The following CORO1C variants were observed in gnomAD, a reference collection of about 807,000 sequenced individuals.
CORO1C encodes the protein coronin 1C, also known as coronin-1C.
In CORO1C, 14 loss-of-function variants were observed where a neutral mutation model predicts 51.2. The observed-to-expected ratio is 0.27, with a 90% CI of 0.18 to 0.43. CORO1C has a LOEUF of 0.43. Ranked by LOEUF, CORO1C falls within the 20% of genes least tolerant of loss-of-function variation. The pLI, the probability that CORO1C is intolerant of heterozygous loss-of-function variation, is 1.00. For missense variants in CORO1C, 417 were observed against 607.8 expected, an observed-to-expected ratio of 0.69 and a Z score of 3.30; for synonymous variants, 181 against 210.5, an observed-to-expected ratio of 0.86 and a Z score of 1.21.
intron 2 of CORO1C, among the ~76,000 whole-genome samples, chr12:108,694,387 C>T (rs1355596692): frequency 3.3e-5 from 5 of 149,832 alleles, no homozygotes; most frequent in African/African-American, 1.2e-4. Flanking sequence ...TTCTAAAGTA[C>T]TGTGTTAAAT....
At chr12:108,694,199 T>C (rs986786471) in intron 2 of CORO1C, among the ~76,000 whole-genome samples, 2 of 149,098 alleles carry the variant, frequency 1.3e-5, no homozygotes, top group African/African-American at 2.5e-5. Flanking sequence ...GGAGAAGTGC[T>C]TGAACCTGGG....
At chr12:108,654,650 G>A (rs1349382596) in intron 6 of CORO1C, among the ~76,000 whole-genome samples, 1 of 151,724 alleles carries the variant, frequency 6.6e-6, no homozygotes, top group Non-Finnish European at 1.5e-5. Context: ...ATACATCAGC[G>A]TGATTTCATG....
intron 6 of CORO1C, among the ~76,000 whole-genome samples, chr12:108,656,920 G>A (rs1354423331): frequency 2.0e-5 from 3 of 152,124 alleles, no homozygotes; most frequent in Non-Finnish European, 2.9e-5. Flanking sequence ...GCGGAAGGCC[G>A]CAGGGTCCTC....
chr12:108,725,754 G>A (rs1307854595), intron 1 of CORO1C, among the ~76,000 whole-genome samples: 1 of 152,168 alleles, frequency 6.6e-6, no homozygotes, highest in Non-Finnish European at 1.5e-5. Flanking sequence ...AAGGTATCCC[G>A]AAATGGCCAA....
chr12:108,680,118 G>A lies in CORO1C; in HGVS notation c.196-1724C>T, dbSNP rs778100587. Among the ~76,000 whole-genome samples the A allele has an allele frequency of 3.3e-5, 5 of 152,212 alleles. No individual in the cohort carries two copies. The East Asian group carries it at 5.8e-4, about 18-fold the overall frequency. On this transcript the variant is annotated intron_variant, in intron 2 of 10. Coordinates refer to ENST00000261401, the MANE Select transcript of CORO1C (RefSeq NM_014325.4). ...CATTGTGCTGAGTGCTGGAGATACA[G>A]ACGTGAACAAGGCAGTCCTGTCCTG...
At chr12:108,709,268 G>T (rs1251292056) in intron 1 of CORO1C, among the ~76,000 whole-genome samples, 1 of 152,066 alleles carries the variant, frequency 6.6e-6, no homozygotes, top group Non-Finnish European at 1.5e-5. Context: ...TCTAACAAAT[G>T]TTGGCAATTA....
chr12:108,699,867 G>A (rs1311502993), intron 2 of CORO1C, among the ~76,000 whole-genome samples: 1 of 152,090 alleles, frequency 6.6e-6, no homozygotes, highest in East Asian at 1.9e-4. Context: ...TTCCCCAAAG[G>A]CACCCATCTC....
chr12:108,711,191 C>T (rs2035168722), intron 1 of CORO1C, among the ~76,000 whole-genome samples: 3 of 151,776 alleles, frequency 2.0e-5, no homozygotes, highest in Admixed American at 2.0e-4. Context: ...AGCGAGACCC[C>T]ATATCTACAA....
At chr12:108,678,431 C>G in intron 2 of CORO1C, 37 bp from the exon 3 acceptor site, 1 of 1,506,234 alleles carries the variant, frequency 6.6e-7, no homozygotes, top group South Asian at 1.3e-5. Context: ...TATGTAATAT[C>G]AACACCACAG....
At chr12:108,698,500 G>A (rs1055465663) in intron 2 of CORO1C, among the ~76,000 whole-genome samples, 2 of 152,276 alleles carry the variant, frequency 1.3e-5, no homozygotes, top group Non-Finnish European at 2.9e-5. Context: ...TCCGCCTCCC[G>A]GGTTCAAGTG....
At chr12:108,704,958 A>G (rs545915706) in intron 1 of CORO1C, among the ~76,000 whole-genome samples, 6 of 152,356 alleles carry the variant, frequency 3.9e-5, no homozygotes, top group African/African-American at 1.4e-4. Flanking sequence ...TCATTAAATG[A>G]TCAATTGGTG....
At chr12:108,683,538 A>C (rs960546943) in intron 2 of CORO1C, among the ~76,000 whole-genome samples, 2 of 152,212 alleles carry the variant, frequency 1.3e-5, no homozygotes, top group African/African-American at 4.8e-5. Context: ...TAATTTTAAA[A>C]GGGACATAAC....
chr12:108,716,212 T>C (rs983601700), intron 1 of CORO1C, among the ~76,000 whole-genome samples: 3 of 150,014 alleles, frequency 2.0e-5, no homozygotes, highest in Non-Finnish European at 3.0e-5. Context: ...ACTTTTCTTA[T>C]CAACAACTGG....
intron 1 of CORO1C, among the ~76,000 whole-genome samples, chr12:108,709,257 G>T (rs1472799773): frequency 1.3e-5 from 2 of 152,032 alleles, no homozygotes. Context: ...AGTACATACT[G>T]TCTAACAAAT....
intron 1 of CORO1C, among the ~76,000 whole-genome samples, chr12:108,705,459 CAAAAAAAAAAA>C (rs1163703701): frequency 3.5e-4 from 22 of 63,416 alleles, no homozygotes; most frequent in African/African-American, 1.3e-3. Flanking sequence ...GACCCTGTCT[CAAAAAAAAAAA>C]AAAAAAAAAA....
Position 108,706,686 on chromosome 12 carries a change from C to T in CORO1C, c.-5-5363G>A, listed in dbSNP as rs143266205. Among the ~76,000 whole-genome samples, 749 of 152,244 alleles carry T rather than the reference C, an allele frequency of 4.9e-3. 6 individuals are homozygous for T. Among genetic ancestry groups the T allele is most frequent in the Non-Finnish European group, 6.2e-3 (422 of 68,010 alleles). The stretch of plus-strand genomic sequence containing the variant: ...CTTGGCTCACTGCAACCTCCGCCTC[C>T]GGGGTTCAAGCGATTCTCCTGTCTC... On this transcript the variant is annotated intron_variant, in intron 1 of 10. Transcript: ENST00000261401.
intron 2 of CORO1C, among the ~76,000 whole-genome samples, 159 bp from the exon 3 acceptor site, chr12:108,678,553 C>T (rs1448313066): frequency 6.6e-6 from 1 of 152,066 alleles, no homozygotes; most frequent in African/African-American, 2.4e-5. Context: ...CTAGAAAAAG[C>T]CACTACCAAG....
rs2032387138 is a variant in CORO1C, at chr12:108,646,985, G to A, written c.*418C>T. On this transcript the variant is annotated 3_prime_UTR_variant, in exon 11 of 11. Coordinates refer to ENST00000261401, the MANE Select transcript of CORO1C (RefSeq NM_014325.4). ...GAAAACAAAGCTACTTTTGGTTTTG[G>A]CAACATTAAAAAAGAAAGAAATATA... 6.5e-6 allele frequency: 1 copy of A among 154,248 alleles called. No homozygotes were observed. Among genetic ancestry groups the A allele is most frequent in the Non-Finnish European group, 1.4e-5 (1 of 69,782 alleles). 9.6% of individuals were successfully genotyped at this position (154,248 alleles called of 1,614,324 possible).
intron 2 of CORO1C, among the ~76,000 whole-genome samples, chr12:108,692,114 A>T (rs560373452): frequency 1.4e-4 from 21 of 152,034 alleles, no homozygotes; most frequent in African/African-American, 5.1e-4. Flanking sequence ...AGCTCGTGAC[A>T]TAATTTGGAA....
Sources: gnomAD v4.1 joint callset for allele counts (sites outside exome capture counted in the v4.1 genomes callset) on GRCh38, gnomAD v4.1.1 for gene constraint, MANE v1.5 for transcripts, NCBI Gene and HGNC (gene_info 2026-07-23, HGNC 2026-07-21) for gene names.